Variants in SMCHD1 observed in about 807,000 individuals in gnomAD.
SMCHD1 encodes the protein structural maintenance of chromosomes flexible hinge domain containing 1, also known as structural maintenance of chromosomes flexible hinge domain-containing protein 1.
Under a neutral mutation model 254.7 loss-of-function variants are expected in SMCHD1, and 78 were observed. That is an observed-to-expected ratio of 0.31 (90% CI 0.26 to 0.37). The LOEUF (loss-of-function observed/expected upper bound fraction) is 0.37, where lower values mean the gene tolerates loss of function less well. Ranked by LOEUF, SMCHD1 falls within the 10% of genes least tolerant of loss-of-function variation. SMCHD1 has a pLI of 1.00. For synonymous variants in SMCHD1, 766 were observed against 794.9 expected (o/e 0.96, Z 0.61); for missense variants, 1,840 against 2,408.1 (o/e 0.76, Z 4.94).
chr18:2,804,690 T>A lies in SMCHD1; in HGVS notation c.*2138T>A, dbSNP rs1303816861. The A allele has an allele frequency of 1.3e-5, 2 of 152,324 alleles. No individual in the cohort carries two copies. The highest frequency in any genetic ancestry group is 1.9e-4 in the East Asian group (1 of 5,186). 9.4% of individuals were successfully genotyped at this position (152,324 alleles called of 1,614,324 possible). A position where few individuals can be genotyped will look rare whatever the true frequency, so the allele number is the denominator to read the frequency against. On this transcript the variant is annotated 3_prime_UTR_variant, in exon 48 of 48. Transcript: ENST00000320876. ...GGATATTTCTCAGCATATTAAGGAA[T>A]CCTTTTCTACATTTGAGCAAATACT... is the stretch of plus-strand genomic sequence containing the variant.
intron 22 of SMCHD1, among the ~76,000 whole-genome samples, chr18:2,727,866 G>C (rs1003718358): frequency 6.6e-6 from 1 of 152,006 alleles, no homozygotes; most frequent in African/African-American, 2.4e-5. Flanking sequence ...CTTGTTATCA[G>C]TATGTAGCAT....
intron 34 of SMCHD1, 150 bp from the exon 35 acceptor site, chr18:2,760,502 T>A (rs1052565457): frequency 1.8e-6 from 1 of 560,678 alleles, no homozygotes; most frequent in African/African-American, 2.0e-5. Flanking sequence ...CAAGAAATAT[T>A]TGTTGAACGA....
intron 26 of SMCHD1, 143 bp downstream of exon 26, chr18:2,738,688 T>A: frequency 1.3e-6 from 1 of 778,254 alleles, no homozygotes; most frequent in Non-Finnish European, 1.8e-6. Flanking sequence ...GTGTCATTGG[T>A]GATAGCGATT....
intron 27 of SMCHD1, 48 bp downstream of exon 27, chr18:2,739,568 G>C: frequency 6.8e-7 from 1 of 1,462,982 alleles, no homozygotes; most frequent in Non-Finnish European, 9.5e-7. Context: ...AATCTTCTGT[G>C]ATGTTTCCTT....
chr18:2,673,449 T>TA (rs2073664822), intron 4 of SMCHD1, 86 bp downstream of exon 4: 3 of 967,990 alleles, frequency 3.1e-6, no homozygotes, highest in Non-Finnish European at 4.3e-6. Flanking sequence ...AAAATAGAGA[T>TA]AAAACTAAAA....
At chr18:2,677,793 A>G (rs2073787222) in intron 5 of SMCHD1, among the ~76,000 whole-genome samples, 1 of 152,002 alleles carries the variant, frequency 6.6e-6, no homozygotes, top group Non-Finnish European at 1.5e-5. Flanking sequence ...CACCTGGCTA[A>G]TTTTTTATAG....
At chr18:2,747,755 A>G (rs2075482948) in intron 30 of SMCHD1, 108 bp downstream of exon 30, 1 of 954,866 alleles carries the variant, frequency 1.0e-6, no homozygotes, top group Non-Finnish European at 1.5e-6. Flanking sequence ...TATTTTACAT[A>G]ATCTTTATTA....
chr18:2,772,167 GTTAAT>G (rs2075995911), intron 40 of SMCHD1, 78 bp from the exon 41 acceptor site: 1 of 1,164,326 alleles, frequency 8.6e-7, no homozygotes, highest in African/African-American at 1.6e-5. Context: ...TATCTAAATT[GTTAAT>G]TTTTCTCCAC....
rs760980925 is a variant in SMCHD1 at position 2,700,564 on chromosome 18, T to C, written c.1368T>C (p.Asp456=). 1.2e-6 allele frequency: 2 copies of C among 1,610,878 alleles called. No individual in the cohort carries two copies. Among genetic ancestry groups the C allele is most frequent in the South Asian group, 1.1e-5 (1 of 90,328 alleles). ...AATTAAAAGATGAAGATGATGAAGA[T>C]GATTGTTTCATACTTGAGAAAGCAG... The part of the protein sequence containing the change: ...PSKLKDEDDE[D]DCFILEKAAR... Residue 456 remains aspartate, a synonymous_variant, in exon 11 of 48, where the codon GAT becomes GAC. Coordinates refer to ENST00000320876, the MANE Select transcript of SMCHD1 (RefSeq NM_015295.3).
chr18:2,778,468 A>G (rs1568371384), intron 44 of SMCHD1, among the ~76,000 whole-genome samples: 1 of 152,258 alleles, frequency 6.6e-6, no homozygotes, highest in African/African-American at 2.4e-5. Flanking sequence ...AGTGTCTGTT[A>G]GGATTGGAAA....
chr18:2,706,302 G>T, intron 14 of SMCHD1, 62 bp from the exon 15 acceptor site: 2 of 1,195,098 alleles, frequency 1.7e-6, no homozygotes, highest in Non-Finnish European at 2.3e-6. Flanking sequence ...ATGGGTGTTT[G>T]TTTTTATTAC....
intron 45 of SMCHD1, among the ~76,000 whole-genome samples, chr18:2,789,450 A>G (rs896194662): frequency 6.6e-6 from 1 of 152,218 alleles, no homozygotes; most frequent in Non-Finnish European, 1.5e-5. Flanking sequence ...AAAAATACAA[A>G]TATCACACGT....
intron 41 of SMCHD1, among the ~76,000 whole-genome samples, chr18:2,775,101 G>GAGAC (rs1444937107): frequency 1.5e-5 from 1 of 65,256 alleles, no homozygotes; most frequent in Non-Finnish European, 2.8e-5. Context: ...TTTTTTTTTG[G>GAGAC]AGACAGGGTC....
chr18:2,658,746 A>G (rs1028002144), intron 1 of SMCHD1, among the ~76,000 whole-genome samples: 1 of 152,118 alleles, frequency 6.6e-6, no homozygotes, highest in African/African-American at 2.4e-5. Flanking sequence ...CTGAGATTAC[A>G]TGGTCAACAA....
chr18:2,729,400 T>C lies in SMCHD1; in HGVS notation c.3039T>C (p.Ile1013=). The C allele has an allele frequency of 6.6e-7, 1 of 1,523,264 alleles. No homozygotes were observed. The highest frequency in any genetic ancestry group is 1.3e-5 in the South Asian group (1 of 78,802). The allele number at this position is 1,523,264 out of a possible 1,614,324, so 94.4% of individuals were successfully genotyped here. The change falls in exon 24 of 48, where the codon ATT becomes ATC. Residue 1013 remains isoleucine (I), a synonymous_variant. Coordinates refer to ENST00000320876, the MANE Select transcript of SMCHD1 (RefSeq NM_015295.3). ...IKKDQTLKAR[I]EIPSCKDVAP... ...AAGACCAGACGCTTAAAGCAAGAAT[T>C]GAAATACCTGTAAGTTATTATTGTT...
chr18:2,668,311 T>C (rs947308612), intron 3 of SMCHD1, among the ~76,000 whole-genome samples: 4 of 152,234 alleles, frequency 2.6e-5, no homozygotes, highest in Admixed American at 2.0e-4. Flanking sequence ...GTCATTACTA[T>C]TGGCTACAGT....
At chr18:2,662,667 C>CAAAA (rs745838636) in intron 1 of SMCHD1, among the ~76,000 whole-genome samples, 38 of 35,662 alleles carry the variant, frequency 1.1e-3, no homozygotes, top group African/African-American at 4.3e-3. Flanking sequence ...AACAAAAAAC[C>CAAAA]AAAAAAAAAA....
intron 47 of SMCHD1, chr18:2,801,070 A>G (rs2076352845): frequency 6.6e-6 from 1 of 152,190 alleles, no homozygotes; most frequent in African/African-American, 2.4e-5. Flanking sequence ...ACAAAAAGAG[A>G]TAGAAGACAT....
At chr18:2,662,497 T>G (rs1178749056) in intron 1 of SMCHD1, among the ~76,000 whole-genome samples, 1 of 151,296 alleles carries the variant, frequency 6.6e-6, no homozygotes, top group Non-Finnish European at 1.5e-5. Flanking sequence ...ATGCAAAAAT[T>G]AGCCAGGTGT....
Sources: gnomAD v4.1 joint callset for allele counts (sites outside exome capture counted in the v4.1 genomes callset) on GRCh38, gnomAD v4.1.1 for gene constraint, MANE v1.5 for transcripts, NCBI Gene and HGNC (gene_info 2026-07-23, HGNC 2026-07-21) for gene names.